Variants in GSTCD observed in about 807,000 individuals in gnomAD.
The protein encoded by GSTCD is glutathione S-transferase C-terminal domain-containing protein.
GSTCD carries 44 observed loss-of-function variants against 68.3 expected under a neutral mutation model. The ratio of observed to expected loss-of-function variants is 0.64; its 90% CI spans 0.51 to 0.83. GSTCD has a LOEUF of 0.83. GSTCD is among the 40% of genes least tolerant of loss of function. GSTCD has a pLI of 0.00. For missense variants in GSTCD, 739 were observed against 735.9 expected (o/e 1.00, Z -0.05); for synonymous variants, 273 against 255.2 (o/e 1.07, Z -0.67).
intron 5 of GSTCD, among the ~76,000 whole-genome samples, chr4:105,765,993 G>A (rs535824797): frequency 3.9e-5 from 6 of 152,276 alleles, no homozygotes; most frequent in African/African-American, 1.2e-4. Context: ...TTGTAGCAGC[G>A]TGAGAACAGA....
chr4:105,710,245 T>TTC (rs1732484892), intron 1 of GSTCD, among the ~76,000 whole-genome samples: 1 of 142,928 alleles, frequency 7.0e-6, no homozygotes, highest in Non-Finnish European at 1.5e-5. Flanking sequence ...TTTTTTTTTT[T>TTC]TTTTTTTTTT....
chr4:105,834,424 A>T (rs1352169986), intron 8 of GSTCD, 37 bp from the exon 9 acceptor site: 1 of 1,603,304 alleles, frequency 6.2e-7, no homozygotes, highest in South Asian at 1.1e-5. Flanking sequence ...GTGAGTTAAG[A>T]GGGAACTTAG....
intron 10 of GSTCD, among the ~76,000 whole-genome samples, chr4:105,841,292 G>T (rs2544411): frequency 2.6e-5 from 4 of 151,038 alleles, no homozygotes; most frequent in African/African-American, 4.9e-5. Context: ...CCACTGCACT[G>T]GAGCCTGGAC....
At position 105,847,024 on chromosome 4, in the gene GSTCD, A is replaced by T. The variant is rs926053681; in HGVS notation, c.*1447A>T. 1.3e-5 allele frequency: 2 copies of T among 152,110 alleles called. No individual in the cohort carries two copies. The highest frequency in any genetic ancestry group is 1.5e-5 in the Non-Finnish European group (1 of 68,002). 9.4% of individuals were successfully genotyped at this position (152,110 alleles called of 1,614,324 possible). On this transcript the variant is annotated 3_prime_UTR_variant, in exon 12 of 12. Transcript: ENST00000515279. ...TGTTATTCAGATGTCAATCATTTTT[A>T]TTTATATATTTCTGGGTAAAACTTA...
chr4:105,800,571 A>C (rs1736068314), intron 5 of GSTCD, among the ~76,000 whole-genome samples: 1 of 152,232 alleles, frequency 6.6e-6, no homozygotes, highest in Admixed American at 6.5e-5. Flanking sequence ...CCTATAAAGC[A>C]AAATGATGGA....
At chr4:105,832,807 A>G (rs1013899624) in intron 8 of GSTCD, among the ~76,000 whole-genome samples, 25 of 152,260 alleles carry the variant, frequency 1.6e-4, no homozygotes, top group Admixed American at 5.2e-4. Flanking sequence ...AGATGTGTCT[A>G]TAATTTTTAC....
intron 5 of GSTCD, among the ~76,000 whole-genome samples, chr4:105,739,312 A>G (rs1733557736): frequency 6.6e-6 from 1 of 151,920 alleles, no homozygotes; most frequent in African/African-American, 2.4e-5. Flanking sequence ...TCTGTTGTAT[A>G]AGTTTTTTTG....
chr4:105,847,172 C>A lies in GSTCD; in HGVS notation c.*1595C>A, dbSNP rs1229574365. On this transcript the variant is annotated 3_prime_UTR_variant, in exon 12 of 12. Coordinates refer to ENST00000515279, the MANE Select transcript of GSTCD (RefSeq NM_001370181.1). ...TGCTAATTCTTTAAATTTTACATGT[C>A]CCAATTTATTCCATTTGAGATTTAT... 6.6e-6 allele frequency: 1 copy of A among 152,048 alleles called. No homozygotes were observed. Among genetic ancestry groups the A allele is most frequent in the African/African-American group, 2.4e-5 (1 of 41,388 alleles). 9.4% of individuals were successfully genotyped at this position (152,048 alleles called of 1,614,324 possible). A position where few individuals can be genotyped will look rare whatever the true frequency, so the allele number is the denominator to read the frequency against.
chr4:105,730,988 T>C (rs1160441456), intron 5 of GSTCD, among the ~76,000 whole-genome samples: 3 of 152,210 alleles, frequency 2.0e-5, no homozygotes, highest in Admixed American at 1.3e-4. Context: ...GCATCATTTA[T>C]TAAATGGGGA....
At position 105,839,882 on chromosome 4, in the gene GSTCD, CAG is replaced by C. The variant is rs1485519544; in HGVS notation, c.1695+1994_1695+1995del. 2.0e-5 allele frequency among the ~76,000 whole-genome samples: 3 copies of C among 152,268 alleles called. No homozygotes were observed. In the East Asian group the frequency reaches 5.8e-4, roughly 29 times the overall value. On this transcript the variant is annotated intron_variant, in intron 10 of 11. Transcript: ENST00000515279. Reference sequence around the variant, plus strand: ...GAATGTAAAATTTCTACAGTAGGGACAGGGCACACAGAGTCTTTCAGAAAGCA... The same window carrying C: ...GAATGTAAAATTTCTACAGTAGGGACGGCACACAGAGTCTTTCAGAAAGCA...
At chr4:105,842,948 G>C (rs1724415680) in intron 11 of GSTCD, among the ~76,000 whole-genome samples, 1 of 152,006 alleles carries the variant, frequency 6.6e-6, no homozygotes. Flanking sequence ...GTCATATCAG[G>C]GTTTAAGATA....
intron 2 of GSTCD, among the ~76,000 whole-genome samples, chr4:105,718,240 A>G (rs954300495): frequency 1.3e-5 from 2 of 152,134 alleles, no homozygotes; most frequent in African/African-American, 2.4e-5. Context: ...GTGATCCCCA[A>G]TGTTGTTGGA....
chr4:105,743,300 C>T (rs920667583), intron 5 of GSTCD, among the ~76,000 whole-genome samples: 1 of 152,022 alleles, frequency 6.6e-6, no homozygotes, highest in Non-Finnish European at 1.5e-5. Context: ...TTCTGATACG[C>T]TATAATTATT....
chr4:105,845,733 G>T lies in GSTCD; in HGVS notation c.*156G>T, dbSNP rs1560860013. ...CAACAGGGAAATCTTGGAAGTAAAG[G>T]CTCCCTGCAAAGCATCACAAATGCT... is the stretch of plus-strand genomic sequence containing the variant. On this transcript the variant is annotated 3_prime_UTR_variant, in exon 12 of 12. Transcript: ENST00000515279. 5.8e-6 allele frequency: 4 copies of T among 691,252 alleles called. No homozygotes were observed. Among genetic ancestry groups the T allele is most frequent in the Non-Finnish European group, 9.7e-6 (4 of 413,804 alleles). 42.8% of individuals were successfully genotyped at this position (691,252 alleles called of 1,614,324 possible). A position where few individuals can be genotyped will look rare whatever the true frequency, so the allele number is the denominator to read the frequency against.
Position 105,745,267 on chromosome 4 carries a change from T to A in GSTCD, c.1240+15768T>A, listed in dbSNP as rs80049355. ...TTTACCTTTATTTTCATCTTTGAAG[T>A]GAGGATGTATAGTCAAAGTTCTCAT... On this transcript the variant is annotated intron_variant, in intron 5 of 11. Transcript: ENST00000515279. 3.0e-3 allele frequency among the ~76,000 whole-genome samples: 459 copies of A among 152,318 alleles called. 10 individuals carry two copies. The East Asian group carries it at 0.066, about 22-fold the overall frequency.
At chr4:105,812,251 A>G (rs1214430320) in intron 5 of GSTCD, among the ~76,000 whole-genome samples, 1 of 152,250 alleles carries the variant, frequency 6.6e-6, no homozygotes, top group East Asian at 1.9e-4. Context: ...TCTAGAAAGT[A>G]TACCTTTAGC....
chr4:105,792,296 A>G (rs1735708234), intron 5 of GSTCD, among the ~76,000 whole-genome samples: 1 of 152,114 alleles, frequency 6.6e-6, no homozygotes, highest in African/African-American at 2.4e-5. Flanking sequence ...TGAAAATTTA[A>G]ACTATCCCAC....
Position 105,717,909 on chromosome 4 carries a change from A to G in GSTCD, c.296A>G (p.Asn99Ser), listed in dbSNP as rs372810120. The G allele has an allele frequency of 1.3e-5, 21 of 1,614,012 alleles. No homozygotes were observed. Among genetic ancestry groups the G allele is most frequent in the Middle Eastern group, 1.6e-4 (1 of 6,084 alleles). ...CCTGCAGTAGTAGAACGATCAGACA[A>G]TTTTTGTAGAGCAGGACTTGCTGTT... is the stretch of plus-strand genomic sequence containing the variant. ...CLPAVVERSD[N>S]FCRAGLAVVL... The change falls in exon 2 of 12, where the codon AAT (asparagine) becomes AGT (serine). Residue 99 changes from asparagine to serine, a missense_variant. Asn to Ser is a conservative substitution (Grantham distance 46). Coordinates refer to ENST00000515279, the MANE Select transcript of GSTCD (RefSeq NM_001370181.1).
At chr4:105,823,493 G>A in intron 7 of GSTCD, 1 of 385,476 alleles carries the variant, frequency 2.6e-6, no homozygotes. Flanking sequence ...TTTTAAAAGA[G>A]GTTTATAGGT....
Sources: gnomAD v4.1 joint callset for allele counts (sites outside exome capture counted in the v4.1 genomes callset) on GRCh38, gnomAD v4.1.1 for gene constraint, MANE v1.5 for transcripts, NCBI Gene and HGNC (gene_info 2026-07-23, HGNC 2026-07-21) for gene names.